The following AFG3L2 variants were observed in gnomAD, a reference collection of about 807,000 sequenced individuals.
AFG3L2 encodes the protein mitochondrial inner membrane m-AAA protease component AFG3L2.
In AFG3L2, 54 loss-of-function variants were observed where a neutral mutation model predicts 94.5. The observed-to-expected ratio is 0.57, with a 90% CI of 0.46 to 0.72. AFG3L2 has a LOEUF of 0.72. AFG3L2 is among the 30% of genes least tolerant of loss of function. The pLI is 0.00. For missense variants in AFG3L2, 754 were observed against 994.9 expected (o/e 0.76, Z 3.26); for synonymous variants, 377 against 365.5 (o/e 1.03, Z -0.36).
chr18:12,367,096 TGTC>T lies in AFG3L2; in HGVS notation c.418_420del (p.Asp140del). On this transcript the variant is annotated inframe_deletion, in exon 5 of 17. Coordinates refer to ENST00000269143, the MANE Select transcript of AFG3L2 (RefSeq NM_006796.3). ...CAGAGGAAGAACATCCTGAAATCCT[TGTC>T]GTCCCATGGAATGTCACCCTGGGCA... The T allele has an allele frequency of 6.2e-7, 1 of 1,614,244 alleles. No homozygotes were observed.
At chr18:12,355,673 A>ATT (rs71369929) in intron 9 of AFG3L2, among the ~76,000 whole-genome samples, 21 of 145,486 alleles carry the variant, frequency 1.4e-4, no homozygotes, top group East Asian at 4.0e-4. Flanking sequence ...CGATTTACAT[A>ATT]TTTTTTTTTT....
chr18:12,370,774 T>C (rs2143231229), intron 3 of AFG3L2, 75 bp downstream of exon 3: 1 of 1,021,558 alleles, frequency 9.8e-7, no homozygotes, highest in South Asian at 1.4e-5. Flanking sequence ...ACTCTTTTCT[T>C]TGTTCAGTGG....
chr18:12,332,073 A>G (rs1907550530), intron 16 of AFG3L2, among the ~76,000 whole-genome samples: 2 of 151,634 alleles, frequency 1.3e-5, no homozygotes, highest in African/African-American at 2.4e-5. Context: ...TCATATACCT[A>G]GTGTAAAGAA....
Position 12,351,380 on chromosome 18 carries a change from G to A in AFG3L2, c.1352C>T (p.Ala451Val), listed in dbSNP as rs868044931. The A allele has an allele frequency of 6.2e-7, 1 of 1,613,992 alleles. No homozygotes were observed. Among genetic ancestry groups the A allele is most frequent in the South Asian group, 1.1e-5 (1 of 91,076 alleles). Residue 451 changes from alanine to valine, a missense_variant, in exon 11 of 17, where the codon GCC becomes GTC. Ala to Val is a moderately conservative substitution (Grantham distance 64, BLOSUM62 0). Coordinates refer to ENST00000269143, the MANE Select transcript of AFG3L2 (RefSeq NM_006796.3). ...FNTTTNVVILAGTNRPDILDP... is the reference protein window; with the variant it reads ...FNTTTNVVILVGTNRPDILDP... ...CAGGATATCTGGTCGATTGGTGCCG[G>A]CCAAAATGACGACATTTGTTGTTGT...
rs956544350 is a variant in AFG3L2 at position 12,334,846 on chromosome 18, C to T, written c.2175+2495G>A. ...TTAAGGACTCCTTTAAGAACTACTA[C>T]AAAATAAGGAGGCTGGGTTAGATCA... On this transcript the variant is annotated intron_variant, in intron 16 of 16. Coordinates refer to ENST00000269143, the MANE Select transcript of AFG3L2 (RefSeq NM_006796.3). Among the ~76,000 whole-genome samples, 38 of 152,174 alleles carry T rather than the reference C, an allele frequency of 2.5e-4. 1 individual carries two copies. The highest frequency in any genetic ancestry group is 1.3e-4 in the Admixed American group (2 of 15,280).
At chr18:12,349,208 A>G (rs1908235257) in intron 12 of AFG3L2, among the ~76,000 whole-genome samples, 1 of 152,236 alleles carries the variant, frequency 6.6e-6, no homozygotes, top group Non-Finnish European at 1.5e-5. Flanking sequence ...AATCAAAACA[A>G]CAGTGAGATG....
At chr18:12,358,338 CAG>C (rs778639626) in intron 8 of AFG3L2, among the ~76,000 whole-genome samples, 1 of 152,218 alleles carries the variant, frequency 6.6e-6, no homozygotes, top group South Asian at 2.1e-4. Flanking sequence ...TGGGTGACAG[CAG>C]AGTGTGACAT....
intron 6 of AFG3L2, among the ~76,000 whole-genome samples, chr18:12,362,989 AGGGAAT>A (rs1299816697): frequency 6.6e-6 from 1 of 152,244 alleles, no homozygotes; most frequent in East Asian, 1.9e-4. Context: ...CACTAGGTAG[AGGGAAT>A]GGGAAATCAA....
chr18:12,329,201 GAA>G lies in AFG3L2; in HGVS notation c.*362_*363del, dbSNP rs1568130155. 3 of 702,944 alleles carry G rather than the reference GAA, an allele frequency of 4.3e-6. No individual in the cohort carries two copies. The highest frequency in any genetic ancestry group is 2.0e-5 in the Admixed American group (1 of 50,006). 43.5% of individuals were successfully genotyped at this position (702,944 alleles called of 1,614,324 possible). Reference sequence around the variant, plus strand: ...AGGAATGAAGAGTGGGCGACAAAGAGAAAGCATCCCTTCCCACACGCCAAGAG... The same window carrying G: ...AGGAATGAAGAGTGGGCGACAAAGAGAGCATCCCTTCCCACACGCCAAGAG... On this transcript the variant is annotated 3_prime_UTR_variant, in exon 17 of 17. Coordinates refer to ENST00000269143, the MANE Select transcript of AFG3L2 (RefSeq NM_006796.3).
intron 16 of AFG3L2, among the ~76,000 whole-genome samples, chr18:12,332,366 T>A (rs1177145099): frequency 2.0e-5 from 3 of 152,072 alleles, no homozygotes; most frequent in South Asian, 4.2e-4. Context: ...CTCAAAGTAC[T>A]GGGATTACAG....
rs1008615579 is a variant in AFG3L2, at chr18:12,337,778, C to CT, written c.1981-244dup. ...TATGATATTATTACCTGATTTCTCT[C>CT]TTTTTTTTTTAGACAGAGTCTTGGT... On this transcript the variant is annotated intron_variant, in intron 15 of 16. Transcript: ENST00000269143. 4.8e-4 allele frequency among the ~76,000 whole-genome samples: 71 copies of CT among 148,992 alleles called. 2 individuals carry two copies. Among genetic ancestry groups the CT allele is most frequent in the Middle Eastern group, 3.4e-3 (1 of 290 alleles).
intron 12 of AFG3L2, among the ~76,000 whole-genome samples, chr18:12,349,840 T>C (rs1012031889): frequency 5.9e-5 from 9 of 151,958 alleles, no homozygotes; most frequent in African/African-American, 2.2e-4. Flanking sequence ...TTTTGTATTT[T>C]TAGTAGAGAC....
rs768223531 is a variant in AFG3L2, at chr18:12,370,938, AG to A, written c.215-13del. ...GTATTTTTCAAATCCTGTTAGAAAA[AG>A]AAAAAAAATACTTATCTTCAAACTA... On this transcript the variant is annotated splice_polypyrimidine_tract_variant and intron_variant, in intron 2 of 16. Transcript: ENST00000269143. 1 of 1,476,592 alleles carries A rather than the reference AG, an allele frequency of 6.8e-7. No individual in the cohort carries two copies. The allele number at this position is 1,476,592 out of a possible 1,614,324, so 91.5% of individuals were successfully genotyped here. A position where few individuals can be genotyped will look rare whatever the true frequency, so the allele number is the denominator to read the frequency against.
At chr18:12,339,259 A>C (rs1261301147) in intron 15 of AFG3L2, among the ~76,000 whole-genome samples, 1 of 149,514 alleles carries the variant, frequency 6.7e-6, no homozygotes, top group Non-Finnish European at 1.5e-5. Context: ...AAAAAAAAAA[A>C]AAAGGTTTCT....
intron 16 of AFG3L2, 74 bp downstream of exon 16, chr18:12,337,267 C>T (rs1598820663): frequency 7.2e-7 from 1 of 1,385,176 alleles, no homozygotes; most frequent in East Asian, 2.3e-5. Context: ...ACACACCAAC[C>T]AAAACAGTCT....
intron 16 of AFG3L2, among the ~76,000 whole-genome samples, chr18:12,332,844 AC>A (rs1907579660): frequency 9.8e-6 from 1 of 102,070 alleles, no homozygotes; most frequent in African/African-American, 3.1e-5. Context: ...ATACACACAC[AC>A]ACACACACAC....
At chr18:12,347,555 T>C (rs1403884748) in intron 13 of AFG3L2, among the ~76,000 whole-genome samples, 1 of 4,472 alleles carries the variant, frequency 2.2e-4, no homozygotes, top group Admixed American at 2.3e-3. Flanking sequence ...ATTATTATTA[T>C]TTTTTTTTTT....
chr18:12,346,373 G>C (rs576370160), intron 13 of AFG3L2, among the ~76,000 whole-genome samples: 2 of 152,076 alleles, frequency 1.3e-5, no homozygotes, highest in Admixed American at 6.6e-5. Flanking sequence ...AGTCACACAC[G>C]CATACCCCTG....
Position 12,377,220 on chromosome 18 carries a change from A to C in AFG3L2, c.-138T>G. On this transcript the variant is annotated 5_prime_UTR_variant, in exon 1 of 17. Coordinates refer to ENST00000269143, the MANE Select transcript of AFG3L2 (RefSeq NM_006796.3). ...GCGCCGGCGGCTCACGGAGGAGCCC[A>C]AGCTCTCAACGCGGCGTCTCCTGCC... The C allele has an allele frequency of 1.5e-6, 1 of 689,532 alleles. No individual in the cohort carries two copies. The highest frequency in any genetic ancestry group is 2.4e-6 in the Non-Finnish European group (1 of 421,996). 42.7% of individuals were successfully genotyped at this position (689,532 alleles called of 1,614,324 possible).
Sources: allele counts gnomAD v4.1 joint callset (sites outside exome capture counted in the v4.1 genomes callset), GRCh38; gene constraint gnomAD v4.1.1; transcripts MANE v1.5; gene names NCBI Gene and HGNC (gene_info 2026-07-23, HGNC 2026-07-21).